The following SLC4A4 variants were observed in gnomAD, a reference collection of about 807,000 sequenced individuals.
The protein encoded by SLC4A4 is electrogenic sodium bicarbonate cotransporter 1.
Under a neutral mutation model 111.5 loss-of-function variants are expected in SLC4A4, and 27 were observed. The ratio of observed to expected loss-of-function variants is 0.24; its 90% CI spans 0.18 to 0.33. The LOEUF (loss-of-function observed/expected upper bound fraction) is 0.33. Among genes scored for constraint, SLC4A4 ranks in the 10% least tolerant of loss-of-function variants. The pLI, the probability that SLC4A4 is intolerant of heterozygous loss-of-function variation, is 1.00. For missense variants in SLC4A4, 909 were observed against 1,315.5 expected (o/e 0.69, Z 4.78); for synonymous variants, 443 against 463.4 (o/e 0.96, Z 0.57).
intron 2 of SLC4A4, among the ~76,000 whole-genome samples, chr4:71,142,392 G>T (rs1744022588): frequency 6.6e-6 from 1 of 152,122 alleles, no homozygotes; most frequent in Non-Finnish European, 1.5e-5. Context: ...AATCTTTCTG[G>T]GACCTTATAG....
At position 71,408,804 on chromosome 4, in the gene SLC4A4, A is replaced by C. The variant is rs368648930; in HGVS notation, c.807+11151A>C. On this transcript the variant is annotated intron_variant, in intron 7 of 25. Coordinates refer to ENST00000264485, the MANE Select transcript of SLC4A4 (RefSeq NM_001098484.3). ...GAATTTCCAATACCATCTAGTACTTATTATTTTCATCACTGATGTGGTTTG... is the reference window on the plus strand; with the variant it reads ...GAATTTCCAATACCATCTAGTACTTCTTATTTTCATCACTGATGTGGTTTG... 4.3e-4 allele frequency among the ~76,000 whole-genome samples: 66 copies of C among 152,210 alleles called. 2 individuals carry two copies. In the South Asian group the frequency reaches 0.012, roughly 27 times the overall value.
At chr4:71,097,924 T>G (rs1439034755) in intron 2 of SLC4A4, among the ~76,000 whole-genome samples, 3 of 152,230 alleles carry the variant, frequency 2.0e-5, no homozygotes, top group Non-Finnish European at 4.4e-5. Context: ...TATTAGACCT[T>G]TGTCAGATGC....
intron 1 of SLC4A4, among the ~76,000 whole-genome samples, chr4:71,084,541 C>T (rs1578462243): frequency 6.6e-6 from 1 of 151,982 alleles, no homozygotes; most frequent in Non-Finnish European, 1.5e-5. Flanking sequence ...TCTCCTAATG[C>T]TATCCCTCCC....
chr4:71,561,909 C>T (rs900596540), intron 23 of SLC4A4, among the ~76,000 whole-genome samples: 3 of 151,716 alleles, frequency 2.0e-5, no homozygotes, highest in Admixed American at 6.6e-5. Flanking sequence ...GTTCATTACA[C>T]ATTATGAGTG....
intron 6 of SLC4A4, among the ~76,000 whole-genome samples, chr4:71,386,258 T>C (rs2148959474): frequency 6.6e-6 from 1 of 152,282 alleles, no homozygotes; most frequent in East Asian, 1.9e-4. Flanking sequence ...AATTTCACAA[T>C]GATTCATCTG....
intron 1 of SLC4A4, among the ~76,000 whole-genome samples, chr4:71,231,271 CTGGTGAGCACGT>C (rs1423295892): frequency 1.3e-5 from 2 of 152,166 alleles, no homozygotes; most frequent in African/African-American, 4.8e-5. Flanking sequence ...TGCGGACTAG[CTGGTGAGCACGT>C]TGGCAGTTGG....
intron 15 of SLC4A4, among the ~76,000 whole-genome samples, chr4:71,495,642 T>A (rs1043148602): frequency 7.9e-5 from 12 of 152,128 alleles, no homozygotes; most frequent in African/African-American, 2.9e-4. Flanking sequence ...GGGAAGAGAT[T>A]CTTCTTTTAT....
intron 3 of SLC4A4, among the ~76,000 whole-genome samples, chr4:71,268,075 GTTT>G (rs10657146): frequency 1.1e-5 from 1 of 87,586 alleles, no homozygotes; most frequent in Non-Finnish European, 2.0e-5. Flanking sequence ...ATAAAGTAGT[GTTT>G]TTTTTTTTTT....
chr4:71,390,083 G>A (rs1197242356), intron 6 of SLC4A4, among the ~76,000 whole-genome samples: 2 of 152,090 alleles, frequency 1.3e-5, no homozygotes, highest in East Asian at 3.9e-4. Context: ...GTGGGTTGGA[G>A]ACCATAATGA....
intron 6 of SLC4A4, among the ~76,000 whole-genome samples, chr4:71,388,572 C>CT (rs1214202145): frequency 6.6e-6 from 1 of 151,446 alleles, no homozygotes; most frequent in Non-Finnish European, 1.5e-5. Flanking sequence ...ATGTTGGGGT[C>CT]TTGCTTTGTT....
intron 1 of SLC4A4, among the ~76,000 whole-genome samples, chr4:71,088,387 G>A (rs1476968586): frequency 6.6e-6 from 1 of 151,968 alleles, no homozygotes; most frequent in Admixed American, 6.5e-5. Flanking sequence ...TTTAATTGGA[G>A]CATTTAGCCC....
At chr4:71,277,131 A>C (rs1723129069) in intron 3 of SLC4A4, among the ~76,000 whole-genome samples, 1 of 152,186 alleles carries the variant, frequency 6.6e-6, no homozygotes, top group Middle Eastern at 3.2e-3. Context: ...AATGGACATT[A>C]GTTTTCATTT....
intron 1 of SLC4A4, among the ~76,000 whole-genome samples, chr4:71,063,631 A>G (rs1344439206): frequency 1.3e-5 from 2 of 152,280 alleles, no homozygotes; most frequent in East Asian, 3.9e-4. Flanking sequence ...ATTTCAAGCT[A>G]TATAATTATT....
chr4:71,418,985 C>T (rs1722086023), intron 7 of SLC4A4, among the ~76,000 whole-genome samples: 1 of 152,178 alleles, frequency 6.6e-6, no homozygotes, highest in Non-Finnish European at 1.5e-5. Flanking sequence ...TGGGTATCCG[C>T]AGCGGTGTTT....
chr4:71,121,407 A>G (rs1743422988), intron 2 of SLC4A4, among the ~76,000 whole-genome samples: 1 of 152,216 alleles, frequency 6.6e-6, no homozygotes, highest in African/African-American at 2.4e-5. Context: ...CTGGCACTGC[A>G]TCCACTAGGC....
intron 3 of SLC4A4, among the ~76,000 whole-genome samples, chr4:71,274,364 A>AT (rs1399059077): frequency 2.0e-5 from 3 of 152,178 alleles, no homozygotes; most frequent in Non-Finnish European, 4.4e-5. Flanking sequence ...AAGTGGACCC[A>AT]TGCAGTTCAA....
At chr4:71,115,957 C>T (rs549785296) in intron 2 of SLC4A4, among the ~76,000 whole-genome samples, 1 of 152,302 alleles carries the variant, frequency 6.6e-6, no homozygotes, top group East Asian at 1.9e-4. Flanking sequence ...TGCAGTGGCA[C>T]GATCTCGGCT....
At chr4:71,466,358 TC>T in intron 12 of SLC4A4, 85 bp from the exon 13 acceptor site, 1 of 1,480,000 alleles carries the variant, frequency 6.8e-7, no homozygotes, top group Non-Finnish European at 9.4e-7. Context: ...AATAGTATAT[TC>T]ACGTGGCTTT....
chr4:71,154,991 AAACT>A (rs1744420052), intron 2 of SLC4A4, among the ~76,000 whole-genome samples: 1 of 152,212 alleles, frequency 6.6e-6, no homozygotes, highest in South Asian at 2.1e-4. Flanking sequence ...CTAAATTTTC[AAACT>A]GTGAGTTGCA....
Sources: gnomAD v4.1 joint callset for allele counts (sites outside exome capture counted in the v4.1 genomes callset) on GRCh38, gnomAD v4.1.1 for gene constraint, MANE v1.5 for transcripts, NCBI Gene and HGNC (gene_info 2026-07-23, HGNC 2026-07-21) for gene names.